The following HIPK1 variants were observed in gnomAD, a reference collection of about 807,000 sequenced individuals.
HIPK1 encodes homeodomain interacting protein kinase 1.
HIPK1 carries 28 observed loss-of-function variants against 117.1 expected under a neutral mutation model. That is an observed-to-expected ratio of 0.24 (90% CI 0.18 to 0.33). The LOEUF is 0.33. Ranked by LOEUF, HIPK1 falls within the 10% of genes least tolerant of loss-of-function variation. HIPK1 has a pLI of 1.00. For synonymous variants in HIPK1, 605 were observed against 562.5 expected (o/e 1.08, Z -1.07); for missense variants, 1,122 against 1,475.1 (o/e 0.76, Z 3.92).
At chr1:113,972,466 C>T (rs1672902562) in intron 15 of HIPK1, among the ~76,000 whole-genome samples, 1 of 152,178 alleles carries the variant, frequency 6.6e-6, no homozygotes, top group African/African-American at 2.4e-5. Context: ...TCTCTCATTA[C>T]TTTATTCTAT....
Position 113,971,829 on chromosome 1 carries a change from C to G in HIPK1, c.3019C>G (p.Leu1007Val). The G allele has an allele frequency of 6.3e-7, 1 of 1,591,370 alleles. No homozygotes were observed. Among genetic ancestry groups the G allele is most frequent in the Non-Finnish European group, 8.5e-7 (1 of 1,173,066 alleles). The change falls in exon 15 of 16, where the codon CTG (leucine) becomes GTG (valine). Residue 1007 changes from leucine (L) to valine (V), a missense_variant. Leu to Val is a conservative substitution (Grantham distance 32). This residue lies in a region of HIPK1 where 731 missense variants were observed against 860.4 expected (regional missense o/e 0.85). Coordinates refer to ENST00000426820, the MANE Select transcript of HIPK1 (RefSeq NM_198268.3). Reference sequence around the variant, plus strand: ...TAAGCCTGGTGCTTTTTTAGGTCTCCTGAGCAATAAGACTAAGCCAGTCGC... The same window carrying G: ...TAAGCCTGGTGCTTTTTTAGGTCTCGTGAGCAATAAGACTAAGCCAGTCGC... ...CTVATQASGL[L>V]SNKTKPVASV...
intron 15 of HIPK1, 106 bp from the exon 16 acceptor site, chr1:113,972,918 C>G (rs1672932314): frequency 8.0e-7 from 1 of 1,248,720 alleles, no homozygotes; most frequent in South Asian, 1.7e-5. Flanking sequence ...ATGTGCTATA[C>G]CCATTCGAAA....
In HIPK1 at chr1:113,951,945, C is replaced by CTT. The variant is rs34394248; in HGVS notation, c.1077-805_1077-804dup. On this transcript the variant is annotated intron_variant, in intron 2 of 15. Coordinates refer to ENST00000426820, the MANE Select transcript of HIPK1 (RefSeq NM_198268.3). Reference sequence around the variant, plus strand: ...ATGAAGGGTTATTTATTGACCAGGGCTTTTTTTTTTTTTTTTTGGACTGTC... The same window carrying CTT: ...ATGAAGGGTTATTTATTGACCAGGGCTTTTTTTTTTTTTTTTTTTGGACTGTC... Among the ~76,000 whole-genome samples, 355 of 110,658 alleles carry CTT rather than the reference C, an allele frequency of 3.2e-3. 4 individuals are homozygous for CTT. The highest frequency in any genetic ancestry group is 9.4e-3 in the Middle Eastern group (2 of 212). The allele number at this position is 110,658 out of a possible 152,430, so 72.6% of individuals were successfully genotyped here.
intron 7 of HIPK1, 101 bp downstream of exon 7, chr1:113,957,387 T>C: frequency 1.1e-6 from 1 of 892,144 alleles, no homozygotes; most frequent in Non-Finnish European, 1.7e-6. Flanking sequence ...GGTGGTCTTG[T>C]TGCTTCTTAG....
chr1:113,973,942 TAGAA>T lies in HIPK1; in HGVS notation c.*431_*434del, dbSNP rs1442650943. On this transcript the variant is annotated 3_prime_UTR_variant, in exon 16 of 16. Transcript: ENST00000426820. ...GATTGCTGGTCAGGAAAAATGCTGA[TAGAA>T]GGAGTTGAAATCTGATGACAAAAAA... is the stretch of plus-strand genomic sequence containing the variant. 1 of 155,200 alleles carries T rather than the reference TAGAA, an allele frequency of 6.4e-6. No homozygotes were observed. Among genetic ancestry groups the T allele is most frequent in the African/African-American group, 2.4e-5 (1 of 41,586 alleles). The allele number at this position is 155,200 out of a possible 1,614,324, so 9.6% of individuals were successfully genotyped here. A position where few individuals can be genotyped will look rare whatever the true frequency, so the allele number is the denominator to read the frequency against.
At chr1:113,968,721 C>A in intron 13 of HIPK1, 73 bp downstream of exon 13, 1 of 1,298,714 alleles carries the variant, frequency 7.7e-7, no homozygotes, top group Non-Finnish European at 1.1e-6. Flanking sequence ...CCCAGTTTGG[C>A]CTGTGAAAGA....
Position 113,929,427 on chromosome 1 carries a change from C to A in HIPK1, c.-108C>A. The A allele has an allele frequency of 1.6e-6, 2 of 1,289,374 alleles. No individual in the cohort carries two copies. Among genetic ancestry groups the A allele is most frequent in the South Asian group, 2.5e-5 (2 of 81,036 alleles). 79.9% of individuals were successfully genotyped at this position (1,289,374 alleles called of 1,614,324 possible). ...AAGTCCAGGCCCCGCACTCGATCCA[C>A]GCTGGCTCCCTACGGAGGCCCACCT... On this transcript the variant is annotated 5_prime_UTR_variant, in exon 1 of 16. Transcript: ENST00000426820.
chr1:113,968,470 G>A lies in HIPK1; in HGVS notation c.2593G>A (p.Val865Ile), dbSNP rs971083471. Residue 865 changes from valine (V) to isoleucine (I), a missense_variant, in exon 13 of 16, where the codon GTC becomes ATC. Physicochemically the swap from Val to Ile is conservative, Grantham distance 29 (BLOSUM62 3). This residue lies in a region of HIPK1 where 731 missense variants were observed against 860.4 expected (regional missense o/e 0.85). Transcript: ENST00000426820. ...KSSLDVLPSQVYSLVGSSPLR... is the reference protein window; with the variant it reads ...KSSLDVLPSQIYSLVGSSPLR... Reference sequence around the variant, plus strand: ...CTCTCTAGATGTTCTGCCTTCCCAAGTCTATTCTCTGGTTGGGAGCAGTCC... The same window carrying A: ...CTCTCTAGATGTTCTGCCTTCCCAAATCTATTCTCTGGTTGGGAGCAGTCC... 6.2e-7 allele frequency: 1 copy of A among 1,613,974 alleles called. No individual in the cohort carries two copies. Among genetic ancestry groups the A allele is most frequent in the East Asian group, 2.2e-5 (1 of 44,870 alleles).
At chr1:113,971,192 A>G (rs569376405) in intron 14 of HIPK1, among the ~76,000 whole-genome samples, 1 of 152,348 alleles carries the variant, frequency 6.6e-6, no homozygotes, top group African/African-American at 2.4e-5. Context: ...CATTGCAGAC[A>G]AGAGAGAGAG....
chr1:113,952,703 T>G, intron 2 of HIPK1, 63 bp from the exon 3 acceptor site: 2 of 1,218,968 alleles, frequency 1.6e-6, no homozygotes, highest in Non-Finnish European at 2.2e-6. Context: ...GACTTAGTCA[T>G]GTAGTTAATT....
intron 13 of HIPK1, 147 bp downstream of exon 13, chr1:113,968,795 C>T: frequency 7.6e-6 from 5 of 657,190 alleles, no homozygotes; most frequent in Non-Finnish European, 5.4e-6. Flanking sequence ...TTGAGGCCAG[C>T]AGATCACCTG....
chr1:113,937,651 T>C (rs1402805695), intron 1 of HIPK1, among the ~76,000 whole-genome samples: 3 of 152,146 alleles, frequency 2.0e-5, no homozygotes, highest in African/African-American at 7.2e-5. Context: ...ACAGAGATGG[T>C]ACATGTGCCG....
chr1:113,973,641 C>T lies in HIPK1; in HGVS notation c.*129C>T, dbSNP rs770153546. 46 of 1,078,122 alleles carry T rather than the reference C, an allele frequency of 4.3e-5. No homozygotes were observed. In the Admixed American group the frequency reaches 1.0e-3, roughly 24 times the overall value. 66.8% of individuals were successfully genotyped at this position (1,078,122 alleles called of 1,614,324 possible). On this transcript the variant is annotated 3_prime_UTR_variant, in exon 16 of 16. Transcript: ENST00000426820. ...AGCCAGCAACTTGTTCTGCAGGGGC[C>T]CACTGAAGCAGAAGGTTTTTCTCTG...
intron 8 of HIPK1, among the ~76,000 whole-genome samples, chr1:113,959,766 T>TA (rs1267768401): frequency 1.3e-5 from 2 of 152,338 alleles, no homozygotes; most frequent in East Asian, 3.9e-4. Context: ...AGAGCATACT[T>TA]AAAATTTTCC....
At position 113,946,041 on chromosome 1, in the gene HIPK1, T is replaced by C. The variant is rs927371295; in HGVS notation, c.1076+4582T>C. ...ACTTGAGGTAAGGTAAATAAACTCT[T>C]AGAGCCTTTGTTTTCTGGTTTTATG... On this transcript the variant is annotated intron_variant, in intron 2 of 15. Coordinates refer to ENST00000426820, the MANE Select transcript of HIPK1 (RefSeq NM_198268.3). Among the ~76,000 whole-genome samples the C allele has an allele frequency of 7.9e-5, 12 of 152,208 alleles. No homozygotes were observed. The South Asian group carries it at 2.3e-3, about 29-fold the overall frequency.
At chr1:113,961,781 T>C (rs1357929693) in intron 8 of HIPK1, among the ~76,000 whole-genome samples, 1 of 151,688 alleles carries the variant, frequency 6.6e-6, no homozygotes, top group Non-Finnish European at 1.5e-5. Flanking sequence ...CCGTCTCTAC[T>C]GAAAATATAA....
chr1:113,934,175 A>C (rs1670098061), intron 1 of HIPK1, among the ~76,000 whole-genome samples: 3 of 152,250 alleles, frequency 2.0e-5, no homozygotes, highest in Admixed American at 1.3e-4. Context: ...ACCAGCTGTT[A>C]AATTGTATGA....
chr1:113,948,120 C>A (rs187895109), intron 2 of HIPK1, among the ~76,000 whole-genome samples: 2 of 152,116 alleles, frequency 1.3e-5, no homozygotes, highest in African/African-American at 4.8e-5. Flanking sequence ...GTATTCAGTC[C>A]TTAGAGATAA....
intron 2 of HIPK1, among the ~76,000 whole-genome samples, chr1:113,947,069 T>C (rs1011586146): frequency 6.6e-6 from 1 of 152,220 alleles, no homozygotes; most frequent in Non-Finnish European, 1.5e-5. Flanking sequence ...CTAGTCCTTC[T>C]CTTACCCACC....
Sources: gnomAD v4.1 joint callset for allele counts (sites outside exome capture counted in the v4.1 genomes callset) on GRCh38, gnomAD v4.1.1 for gene constraint, gnomAD v4.1.1 regional missense constraint, MANE v1.5 for transcripts, NCBI Gene and HGNC (gene_info 2026-07-23, HGNC 2026-07-21) for gene names.